OXR1: variants seen among roughly 807,000 people sequenced by gnomAD.
OXR1 encodes the protein oxidation resistance protein 1.
In OXR1, 41 loss-of-function variants were observed where a neutral mutation model predicts 104.6. That is an observed-to-expected ratio of 0.39 (90% CI 0.31 to 0.51). The LOEUF is 0.51. OXR1 is among the 20% of genes least tolerant of loss of function. OXR1 has a pLI of 0.77. For synonymous variants in OXR1, 348 were observed against 348.4 expected, an observed-to-expected ratio of 1.00 and a Z score of 0.01; for missense variants, 955 against 1,031.9, an observed-to-expected ratio of 0.93 and a Z score of 1.02.
intron 3 of OXR1, among the ~76,000 whole-genome samples, chr8:106,619,244 T>C (rs929255170): frequency 6.6e-6 from 1 of 152,192 alleles, no homozygotes; most frequent in Non-Finnish European, 1.5e-5. Flanking sequence ...CTTTTTAAGT[T>C]AGTAATAAAT....
At chr8:106,648,466 A>G (rs1197672849) in intron 3 of OXR1, among the ~76,000 whole-genome samples, 1 of 152,202 alleles carries the variant, frequency 6.6e-6, no homozygotes, top group African/African-American at 2.4e-5. Context: ...TTTTAGTATA[A>G]AAATATAAAA....
intron 1 of OXR1, among the ~76,000 whole-genome samples, chr8:106,321,487 G>T (rs1160079923): frequency 2.0e-5 from 3 of 152,184 alleles, no homozygotes; most frequent in African/African-American, 4.8e-5. Context: ...GGTGGTAGTG[G>T]TAGTGGTGGA....
In OXR1 at chr8:106,344,360, C is replaced by T. The variant is rs145798097; in HGVS notation, c.-138-15116C>T. On this transcript the variant is annotated intron_variant, in intron 1 of 16. Coordinates refer to ENST00000517566, the MANE Select transcript of OXR1 (RefSeq NM_001198533.2). Reference sequence around the variant, plus strand: ...TTTTGTTTTGTTTTGTTTTTTGAGACGGTGTCTCGCTCTGTCACTCAAGCT... The same window carrying T: ...TTTTGTTTTGTTTTGTTTTTTGAGATGGTGTCTCGCTCTGTCACTCAAGCT... Among the ~76,000 whole-genome samples the T allele has an allele frequency of 3.9e-5, 6 of 152,186 alleles. No homozygotes were observed. The East Asian group carries it at 5.8e-4, about 15-fold the overall frequency.
intron 2 of OXR1, among the ~76,000 whole-genome samples, chr8:106,402,982 G>A (rs951563740): frequency 3.3e-5 from 5 of 152,050 alleles, no homozygotes; most frequent in Non-Finnish European, 7.4e-5. Context: ...CACCACGCCT[G>A]GCTAAATTTT....
At chr8:106,611,516 C>T (rs1820809152) in intron 3 of OXR1, among the ~76,000 whole-genome samples, 1 of 152,144 alleles carries the variant, frequency 6.6e-6, no homozygotes, top group Admixed American at 6.5e-5. Context: ...GAGAGCATCC[C>T]TAGTAAAAAG....
chr8:106,350,797 G>T (rs774116642), intron 1 of OXR1, among the ~76,000 whole-genome samples: 1 of 152,174 alleles, frequency 6.6e-6, no homozygotes, highest in Non-Finnish European at 1.5e-5. Flanking sequence ...ACATATCTGT[G>T]TTCTGTTAGA....
chr8:106,426,752 T>C (rs968274993), intron 2 of OXR1, among the ~76,000 whole-genome samples: 1 of 152,170 alleles, frequency 6.6e-6, no homozygotes, highest in African/African-American at 2.4e-5. Flanking sequence ...AATTTTAGGA[T>C]TAAATGAAAG....
rs1390784048 is a variant in OXR1, at chr8:106,442,644, A to G, written c.24-76299A>G. 5.9e-5 allele frequency among the ~76,000 whole-genome samples: 9 copies of G among 151,894 alleles called. No individual in the cohort carries two copies. The South Asian group carries it at 1.4e-3, about 24-fold the overall frequency. On this transcript the variant is annotated intron_variant, in intron 2 of 16. Coordinates refer to ENST00000517566, the MANE Select transcript of OXR1 (RefSeq NM_001198533.2). ...TCGACTTCTTCCTGGTTTAGTCTTG[A>G]TAGGGTGTATGCGTCCAGGAATTTA...
chr8:106,745,919 G>T, intron 16 of OXR1, 57 bp downstream of exon 16: 3 of 902,362 alleles, frequency 3.3e-6, no homozygotes, highest in Non-Finnish European at 3.6e-6. Flanking sequence ...AAATGCATTT[G>T]GATTATTTAT....
intron 1 of OXR1, among the ~76,000 whole-genome samples, chr8:106,318,875 G>C (rs567226389): frequency 6.6e-6 from 1 of 152,250 alleles, no homozygotes; most frequent in East Asian, 1.9e-4. Flanking sequence ...TGAATCATAG[G>C]TCTATCTCCA....
chr8:106,618,961 T>G (rs1821467916), intron 3 of OXR1, among the ~76,000 whole-genome samples: 1 of 152,066 alleles, frequency 6.6e-6, no homozygotes, highest in African/African-American at 2.4e-5. Flanking sequence ...TACTTTTAAA[T>G]GGAAGGAATA....
intron 3 of OXR1, among the ~76,000 whole-genome samples, chr8:106,647,382 G>A (rs548437296): frequency 2.0e-5 from 3 of 152,164 alleles, no homozygotes; most frequent in African/African-American, 7.2e-5. Context: ...ATATTCAAAC[G>A]ATAACCCACA....
intron 1 of OXR1, among the ~76,000 whole-genome samples, chr8:106,317,325 G>A (rs1206909824): frequency 2.0e-5 from 3 of 152,260 alleles, no homozygotes; most frequent in Middle Eastern, 3.4e-3. Context: ...AGGAAATTGG[G>A]ATGACCTAAA....
chr8:106,609,100 T>C (rs1380466022), intron 3 of OXR1, among the ~76,000 whole-genome samples: 1 of 152,072 alleles, frequency 6.6e-6, no homozygotes, highest in Admixed American at 6.6e-5. Context: ...TCTTAGTTGA[T>C]CTTAGTAAAA....
At chr8:106,487,337 TTC>T (rs2129810332) in intron 2 of OXR1, among the ~76,000 whole-genome samples, 3 of 86,670 alleles carry the variant, frequency 3.5e-5, no homozygotes, top group African/African-American at 1.3e-4. Flanking sequence ...AACCAGGTAT[TTC>T]TTTTTTTTTT....
At chr8:106,718,340 G>A (rs972178793) in intron 11 of OXR1, among the ~76,000 whole-genome samples, 9 of 152,084 alleles carry the variant, frequency 5.9e-5, no homozygotes, top group Non-Finnish European at 1.2e-4. Flanking sequence ...CAGTCCTATT[G>A]AAGACAGACA....
rs115839628 is a variant in OXR1 at position 106,278,273 on chromosome 8, A to T, written c.-139+7906A>T. On this transcript the variant is annotated intron_variant, in intron 1 of 16. Coordinates refer to ENST00000517566, the MANE Select transcript of OXR1 (RefSeq NM_001198533.2). ...AAATTAATATATTTTCTTACATTAG[A>T]TACTAGGTAGTAGAATCACTGTTTT... is the stretch of plus-strand genomic sequence containing the variant. Among the ~76,000 whole-genome samples the T allele has an allele frequency of 9.7e-3, 1,480 of 152,286 alleles. 14 individuals are homozygous for T. Among genetic ancestry groups the T allele is most frequent in the African/African-American group, 0.032 (1,340 of 41,560 alleles).
intron 2 of OXR1, among the ~76,000 whole-genome samples, chr8:106,410,656 C>A (rs1327600772): frequency 6.6e-6 from 1 of 152,014 alleles, no homozygotes; most frequent in Non-Finnish European, 1.5e-5. Context: ...ATTTGAAAAC[C>A]TAAGATGTAG....
At chr8:106,542,359 C>T (rs777877560) in intron 3 of OXR1, among the ~76,000 whole-genome samples, 3 of 152,112 alleles carry the variant, frequency 2.0e-5, no homozygotes, top group Non-Finnish European at 4.4e-5. Context: ...GGGGAAAACA[C>T]TCCCCCCTAC....
Sources: allele counts gnomAD v4.1 joint callset (sites outside exome capture counted in the v4.1 genomes callset), GRCh38; gene constraint gnomAD v4.1.1; transcripts MANE v1.5; gene names NCBI Gene and HGNC (gene_info 2026-07-23, HGNC 2026-07-21).